The following PRKCE variants were observed in gnomAD, a reference collection of about 807,000 sequenced individuals.
PRKCE encodes protein kinase C epsilon type.
Under a neutral mutation model 85.4 loss-of-function variants are expected in PRKCE, and 16 were observed. The ratio of observed to expected loss-of-function variants is 0.19; its 90% CI spans 0.13 to 0.28. PRKCE has a LOEUF of 0.28. PRKCE is among the 10% of genes least tolerant of loss of function. PRKCE has a pLI of 1.00. For missense variants in PRKCE, 573 were observed against 975.2 expected, an observed-to-expected ratio of 0.59 and a Z score of 5.49; for synonymous variants, 388 against 371.5, an observed-to-expected ratio of 1.04 and a Z score of -0.51.
chr2:46,134,250 A>G (rs1012307292), intron 11 of PRKCE, among the ~76,000 whole-genome samples: 15 of 152,140 alleles, frequency 9.9e-5, no homozygotes, highest in Admixed American at 6.5e-5. Context: ...CACTGTGGGA[A>G]CTTGGAGACC....
chr2:45,862,687 A>G (rs1693263878), intron 2 of PRKCE, among the ~76,000 whole-genome samples: 1 of 152,188 alleles, frequency 6.6e-6, no homozygotes, highest in African/African-American at 2.4e-5. Context: ...CACAATGCGC[A>G]GGGCTTTGGG....
intron 2 of PRKCE, among the ~76,000 whole-genome samples, chr2:45,965,628 A>G (rs976509424): frequency 6.6e-6 from 1 of 152,236 alleles, no homozygotes; most frequent in Admixed American, 6.5e-5. Context: ...AATATCTGAG[A>G]ACAAAATTGA....
At chr2:45,732,003 C>T (rs931673878) in intron 1 of PRKCE, among the ~76,000 whole-genome samples, 1 of 152,156 alleles carries the variant, frequency 6.6e-6, no homozygotes, top group Non-Finnish European at 1.5e-5. Flanking sequence ...CACTGTCAGC[C>T]ACAGTCCTAG....
At chr2:45,759,842 G>A (rs188424718) in intron 1 of PRKCE, among the ~76,000 whole-genome samples, 1 of 152,284 alleles carries the variant, frequency 6.6e-6, no homozygotes, top group East Asian at 1.9e-4. Flanking sequence ...TCTCTTGGAG[G>A]AATCCTGGCT....
chr2:46,136,225 C>T (rs1030843555), intron 11 of PRKCE, among the ~76,000 whole-genome samples: 2 of 152,078 alleles, frequency 1.3e-5, no homozygotes, highest in Non-Finnish European at 2.9e-5. Flanking sequence ...CATTGGAAAA[C>T]GAGCGAAGAA....
intron 1 of PRKCE, among the ~76,000 whole-genome samples, chr2:45,828,317 T>C (rs900578509): frequency 6.6e-6 from 1 of 152,224 alleles, no homozygotes; most frequent in Non-Finnish European, 1.5e-5. Flanking sequence ...GGAGAATTGC[T>C]TGAAGCCAGG....
At chr2:46,122,872 A>G (rs1372564407) in intron 11 of PRKCE, among the ~76,000 whole-genome samples, 2 of 146,796 alleles carry the variant, frequency 1.4e-5, no homozygotes, top group Admixed American at 1.4e-4. Flanking sequence ...TTCTGGCACA[A>G]CAGTCTGGGT....
intron 2 of PRKCE, among the ~76,000 whole-genome samples, chr2:45,868,136 T>C (rs1693757052): frequency 6.6e-6 from 1 of 151,592 alleles, no homozygotes; most frequent in African/African-American, 2.4e-5. Flanking sequence ...ATCTGCAAAG[T>C]TTTAAAAACA....
At chr2:45,671,131 C>A (rs186710844) in intron 1 of PRKCE, among the ~76,000 whole-genome samples, 3 of 152,188 alleles carry the variant, frequency 2.0e-5, no homozygotes, top group Non-Finnish European at 4.4e-5. Context: ...AAGGTGTTTG[C>A]GGCCTTACCC....
At chr2:46,072,001 AGC>A (rs1668122433) in intron 10 of PRKCE, among the ~76,000 whole-genome samples, 1 of 152,266 alleles carries the variant, frequency 6.6e-6, no homozygotes, top group African/African-American at 2.4e-5. Flanking sequence ...TTCCTCCGAC[AGC>A]ACAACAATGG....
intron 5 of PRKCE, among the ~76,000 whole-genome samples, chr2:45,983,028 C>A (rs561381219): frequency 1.1e-4 from 16 of 152,222 alleles, no homozygotes; most frequent in Non-Finnish European, 2.1e-4. Context: ...GCAGAGTCAA[C>A]ATGTCTACAT....
chr2:45,734,791 C>A (rs1052677994), intron 1 of PRKCE, among the ~76,000 whole-genome samples: 2 of 152,222 alleles, frequency 1.3e-5, no homozygotes, highest in Admixed American at 1.3e-4. Flanking sequence ...CCCTCCTCCC[C>A]AGGACTATTG....
chr2:46,056,156 C>T (rs1666563524), intron 10 of PRKCE, among the ~76,000 whole-genome samples: 1 of 152,118 alleles, frequency 6.6e-6, no homozygotes, highest in Non-Finnish European at 1.5e-5. Context: ...GTAGGAGCTC[C>T]ATCAGCTGTT....
intron 1 of PRKCE, among the ~76,000 whole-genome samples, chr2:45,695,955 T>G (rs890842607): frequency 5.3e-5 from 8 of 152,182 alleles, no homozygotes; most frequent in African/African-American, 1.9e-4. Flanking sequence ...TTATTATTAT[T>G]ATACTTTAAG....
chr2:45,676,849 A>C (rs756839495), intron 1 of PRKCE: 7 of 152,242 alleles, frequency 4.6e-5, no homozygotes, highest in Non-Finnish European at 8.8e-5. Flanking sequence ...AGCCCCTGCC[A>C]TCAAGCTAGG....
At chr2:45,715,762 C>G (rs773520736) in intron 1 of PRKCE, among the ~76,000 whole-genome samples, 7 of 152,164 alleles carry the variant, frequency 4.6e-5, no homozygotes, top group Non-Finnish European at 7.3e-5. Flanking sequence ...CACGAACTGC[C>G]TTTCTTTGGT....
chr2:46,098,388 A>G (rs571688724), intron 11 of PRKCE, among the ~76,000 whole-genome samples: 1 of 152,228 alleles, frequency 6.6e-6, no homozygotes, highest in Non-Finnish European at 1.5e-5. Context: ...AGCAGTAACA[A>G]CTGGTTCTAG....
chr2:45,742,570 C>G (rs993313492), intron 1 of PRKCE, among the ~76,000 whole-genome samples: 1 of 152,152 alleles, frequency 6.6e-6, no homozygotes, highest in African/African-American at 2.4e-5. Flanking sequence ...CCACAATGAG[C>G]TATCACCTCA....
At chr2:46,075,657 G>C (rs1182899930) in intron 10 of PRKCE, among the ~76,000 whole-genome samples, 4 of 152,154 alleles carry the variant, frequency 2.6e-5, no homozygotes, top group Non-Finnish European at 5.9e-5. Flanking sequence ...ACTGAGGTGA[G>C]AGGACTGCTT....
Sources: allele counts gnomAD v4.1 joint callset (sites outside exome capture counted in the v4.1 genomes callset), GRCh38; gene constraint gnomAD v4.1.1; transcripts MANE v1.5; gene names NCBI Gene and HGNC (gene_info 2026-07-23, HGNC 2026-07-21).